The following PPFIA2 variants were observed in gnomAD, a reference collection of about 807,000 sequenced individuals.
PPFIA2 encodes the protein liprin-alpha-2.
In PPFIA2, 46 loss-of-function variants were observed where a neutral mutation model predicts 175.5. The observed-to-expected ratio is 0.26, with a 90% CI of 0.21 to 0.34. PPFIA2 has a LOEUF of 0.34. Ranked by LOEUF, PPFIA2 falls within the 10% of genes least tolerant of loss-of-function variation. PPFIA2 has a pLI of 1.00. For missense variants in PPFIA2, 1,179 were observed against 1,506.1 expected (o/e 0.78, Z 3.60); for synonymous variants, 568 against 511.4 (o/e 1.11, Z -1.49).
chr12:81,311,929 A>G, intron 22 of PPFIA2: 1 of 561,940 alleles, frequency 1.8e-6, no homozygotes, highest in East Asian at 2.8e-5. Context: ...GTATAATAAA[A>G]CTGAAGAAAT....
chr12:81,356,508 C>T (rs1024844630), intron 16 of PPFIA2, among the ~76,000 whole-genome samples: 8 of 151,762 alleles, frequency 5.3e-5, no homozygotes, highest in African/African-American at 1.9e-4. Flanking sequence ...ACAAAAAATA[C>T]AAAAATTAGC....
intron 28 of PPFIA2, among the ~76,000 whole-genome samples, chr12:81,271,881 C>A (rs1448779180): frequency 6.6e-6 from 1 of 152,042 alleles, no homozygotes; most frequent in African/African-American, 2.4e-5. Context: ...TCATTTCCAT[C>A]TGCCTGAATC....
In PPFIA2 at chr12:81,261,937, G is replaced by T; in HGVS notation, c.*33+12C>A. 1 of 1,535,738 alleles carries T rather than the reference G, an allele frequency of 6.5e-7. No homozygotes were observed. The highest frequency in any genetic ancestry group is 2.3e-5 in the East Asian group (1 of 43,314). On this transcript the variant is annotated intron_variant, in intron 32 of 32. Transcript: ENST00000549396. ...TCTTTTTTTTTTTGTCAGCCAAAGGGAAACTACTCACAGCAGGTCAGTGCT... is the reference window on the plus strand; with the variant it reads ...TCTTTTTTTTTTTGTCAGCCAAAGGTAAACTACTCACAGCAGGTCAGTGCT...
At chr12:81,271,705 ATAAT>A (rs1247203980) in intron 28 of PPFIA2, among the ~76,000 whole-genome samples, 1 of 152,192 alleles carries the variant, frequency 6.6e-6, no homozygotes, top group African/African-American at 2.4e-5. Flanking sequence ...AGACTTTCAA[ATAAT>A]TTAATTTCAC....
intron 4 of PPFIA2, among the ~76,000 whole-genome samples, chr12:81,615,670 C>T (rs957089495): frequency 2.0e-5 from 3 of 151,966 alleles, no homozygotes; most frequent in African/African-American, 7.3e-5. Context: ...TGTAATCTGG[C>T]TTTATTGGAG....
chr12:81,326,849 G>T (rs968698079), intron 21 of PPFIA2, among the ~76,000 whole-genome samples: 1 of 152,016 alleles, frequency 6.6e-6, no homozygotes. Flanking sequence ...AGATTAGGTA[G>T]AAAGATTTAA....
chr12:81,276,334 G>A (rs970395882), intron 28 of PPFIA2, among the ~76,000 whole-genome samples: 1 of 152,116 alleles, frequency 6.6e-6, no homozygotes, highest in Non-Finnish European at 1.5e-5. Context: ...ACATCATTCA[G>A]GGGATGGGTA....
chr12:81,503,521 C>A (rs1002293722), intron 4 of PPFIA2, among the ~76,000 whole-genome samples: 1 of 143,912 alleles, frequency 6.9e-6, no homozygotes, highest in South Asian at 2.2e-4. Flanking sequence ...TCTAGATATA[C>A]AGGATTACTC....
At chr12:81,279,124 A>G (rs977132747) in intron 27 of PPFIA2, 1 of 152,218 alleles carries the variant, frequency 6.6e-6, no homozygotes, top group Non-Finnish European at 1.5e-5. Context: ...GCCCTAATCC[A>G]AACTGACTGG....
chr12:81,375,850 G>A lies in PPFIA2; in HGVS notation c.1077C>T (p.Asp359=), dbSNP rs767986220. The A allele has an allele frequency of 9.9e-6, 16 of 1,608,472 alleles. No individual in the cohort carries two copies. In the East Asian group the frequency reaches 3.1e-4, roughly 31 times the overall value. ...SAQRESTSIH[D]MNDKLENELA... is the part of the protein sequence containing the mutation. Reference sequence around the variant, plus strand: ...ACTCATTTTCTAGTTTATCATTCATGTCATGTATGGAGGTAGATTCTCTCT... The same window carrying A: ...ACTCATTTTCTAGTTTATCATTCATATCATGTATGGAGGTAGATTCTCTCT... The change falls in exon 10 of 33, where the codon GAC becomes GAT. Residue 359 remains aspartate (D), a synonymous_variant. Transcript: ENST00000549396.
At chr12:81,602,202 C>A (rs1161192360) in intron 4 of PPFIA2, among the ~76,000 whole-genome samples, 2 of 151,596 alleles carry the variant, frequency 1.3e-5, no homozygotes, top group Non-Finnish European at 2.9e-5. Flanking sequence ...TATTACCACA[C>A]AATGTACCAG....
intron 22 of PPFIA2, among the ~76,000 whole-genome samples, chr12:81,314,035 T>C (rs1460301584): frequency 6.6e-6 from 1 of 151,948 alleles, no homozygotes; most frequent in Non-Finnish European, 1.5e-5. Context: ...ATAAATTATC[T>C]GATTTCTCAT....
chr12:81,289,309 A>G (rs557872004), intron 24 of PPFIA2, among the ~76,000 whole-genome samples: 1 of 151,954 alleles, frequency 6.6e-6, no homozygotes, highest in South Asian at 2.1e-4. Context: ...TGAGCTGACT[A>G]ATGCCTATCT....
chr12:81,624,523 T>C (rs893481237), intron 4 of PPFIA2, among the ~76,000 whole-genome samples: 11 of 146,768 alleles, frequency 7.5e-5, no homozygotes, highest in Non-Finnish European at 1.2e-4. Context: ...GTATAATACA[T>C]ATTACATATG....
In PPFIA2 at chr12:81,436,417, C is replaced by T. The variant is rs578237989; in HGVS notation, c.645+3555G>A. The stretch of plus-strand genomic sequence containing the variant: ...ACTTTTGCTCTGGTTCCTGATTATT[C>T]GGCTCTTAATAATTTTTTAAACTTT... On this transcript the variant is annotated intron_variant, in intron 7 of 32. Transcript: ENST00000549396. Among the ~76,000 whole-genome samples, 87 of 140,992 alleles carry T rather than the reference C, an allele frequency of 6.2e-4. 1 individual carries two copies. Among genetic ancestry groups the T allele is most frequent in the Middle Eastern group, 5.1e-3 (1 of 198 alleles). The allele number at this position is 140,992 out of a possible 152,430, so 92.5% of individuals were successfully genotyped here.
intron 4 of PPFIA2, among the ~76,000 whole-genome samples, chr12:81,490,977 T>C (rs929012873): frequency 6.6e-6 from 1 of 152,016 alleles, no homozygotes; most frequent in African/African-American, 2.4e-5. Context: ...TCTTCTGCCA[T>C]GTCCCATCTG....
chr12:81,589,243 T>C (rs73362529), intron 4 of PPFIA2, among the ~76,000 whole-genome samples: 1,747 of 152,156 alleles, frequency 0.011, 24 homozygotes, highest in African/African-American at 0.04. Flanking sequence ...CTTCTGCAAA[T>C]GGAAGAGTTA....
chr12:81,366,903 T>G (rs1315471865), intron 14 of PPFIA2, among the ~76,000 whole-genome samples: 1 of 151,610 alleles, frequency 6.6e-6, no homozygotes, highest in Non-Finnish European at 1.5e-5. Context: ...GAAGTGCTAA[T>G]TTTTGGTGAA....
chr12:81,309,797 C>A lies in PPFIA2; in HGVS notation c.2643-10415G>T, dbSNP rs545787790. Among the ~76,000 whole-genome samples, 42 of 152,114 alleles carry A rather than the reference C, an allele frequency of 2.8e-4. 1 individual carries two copies. Among genetic ancestry groups the A allele is most frequent in the Middle Eastern group, 3.4e-3 (1 of 294 alleles). ...GGAATTGAGTTGCGAGTTATGTAAT[C>A]TCCTTCCTTACTGTATTTTGAATTT... On this transcript the variant is annotated intron_variant, in intron 22 of 32. Transcript: ENST00000549396.
Sources: gnomAD v4.1 joint callset for allele counts (sites outside exome capture counted in the v4.1 genomes callset) on GRCh38, gnomAD v4.1.1 for gene constraint, MANE v1.5 for transcripts, NCBI Gene and HGNC (gene_info 2026-07-23, HGNC 2026-07-21) for gene names.